The following MYRFL variants were observed in gnomAD, a reference collection of about 807,000 sequenced individuals.
The protein encoded by MYRFL is myelin regulatory factor like.
MYRFL carries 88 observed loss-of-function variants against 109.4 expected under a neutral mutation model. The ratio of observed to expected loss-of-function variants is 0.80; its 90% confidence interval spans 0.68 to 0.96. The LOEUF (loss-of-function observed/expected upper bound fraction) is 0.96, where lower values mean the gene tolerates loss of function less well. Among genes scored for constraint, MYRFL ranks in the 40% least tolerant of loss-of-function variants. MYRFL has a pLI of 0.00. For synonymous variants in MYRFL, 324 were observed against 320.9 expected, an observed-to-expected ratio of 1.01 and a Z score of -0.10; for missense variants, 957 against 954.9, an observed-to-expected ratio of 1.00 and a Z score of -0.03.
intron 10 of MYRFL, among the ~76,000 whole-genome samples, chr12:69,900,185 T>C (rs938295594): frequency 2.0e-5 from 3 of 152,202 alleles, no homozygotes; most frequent in Admixed American, 2.0e-4. Context: ...CAAATCACAG[T>C]GCGTGACATG....
chr12:69,858,747 A>C (rs2136323622), intron 2 of MYRFL, among the ~76,000 whole-genome samples: 1 of 151,710 alleles, frequency 6.6e-6, no homozygotes, highest in South Asian at 2.1e-4. Flanking sequence ...CTCCTTAATC[A>C]ATGTGGACGT....
chr12:69,834,812 G>T (rs954437504), intron 1 of MYRFL, among the ~76,000 whole-genome samples: 4 of 152,140 alleles, frequency 2.6e-5, no homozygotes, highest in African/African-American at 9.7e-5. Context: ...AAGCAACAAA[G>T]GACAAAGTAC....
intron 16 of MYRFL, among the ~76,000 whole-genome samples, chr12:69,932,877 GTGTGTT>G (rs1429200818): frequency 3.0e-4 from 45 of 150,802 alleles, no homozygotes; most frequent in Admixed American, 1.7e-3. Flanking sequence ...GTGTGTGTGT[GTGTGTT>G]TGTGTGTGTG....
rs1297615973 is a variant in MYRFL, at chr12:69,910,868, G to C, written c.1540G>C (p.Glu514Gln). The C allele has an allele frequency of 6.5e-7, 1 of 1,535,314 alleles. No homozygotes were observed. The highest frequency in any genetic ancestry group is 2.0e-5 in the Admixed American group (1 of 50,962). Residue 514 changes from glutamate to glutamine, a missense_variant, in exon 13 of 25, where the codon GAG becomes CAG. Transcript: ENST00000552032. ...VQEILPRAVR[E>Q]VGDVTCGNGE... ...AGAAATCCTGCCCAGAGCAGTAAGA[G>C]AGGTTGGTGATGTCACCTGCGGAAA...
At chr12:69,910,234 A>C (rs1380709240) in intron 12 of MYRFL, among the ~76,000 whole-genome samples, 157 bp downstream of exon 12, 1 of 152,206 alleles carries the variant, frequency 6.6e-6, no homozygotes, top group Non-Finnish European at 1.5e-5. Context: ...GGAAAGGTTA[A>C]AAAATTTCTG....
At chr12:69,835,410 C>G (rs940260384) in intron 1 of MYRFL, among the ~76,000 whole-genome samples, 27 of 152,208 alleles carry the variant, frequency 1.8e-4, no homozygotes. Flanking sequence ...GGATATATTA[C>G]TATTTAACAT....
intron 6 of MYRFL, among the ~76,000 whole-genome samples, chr12:69,889,527 G>A (rs1025050771): frequency 2.0e-5 from 3 of 152,080 alleles, no homozygotes; most frequent in Non-Finnish European, 4.4e-5. Flanking sequence ...ATGCTCCAGT[G>A]AGCATTTCTT....
At chr12:69,892,536 A>G (rs1886978070) in intron 7 of MYRFL, among the ~76,000 whole-genome samples, 1 of 152,184 alleles carries the variant, frequency 6.6e-6, no homozygotes, top group African/African-American at 2.4e-5. Flanking sequence ...TCTGCCTCCC[A>G]AAGTGTTGGA....
chr12:69,830,086 C>A (rs1185334664), intron 1 of MYRFL, among the ~76,000 whole-genome samples: 1 of 152,090 alleles, frequency 6.6e-6, no homozygotes, highest in Non-Finnish European at 1.5e-5. Flanking sequence ...TGATCTAACA[C>A]CACCTTACAC....
At chr12:69,861,180 C>T (rs1042143872) in intron 2 of MYRFL, among the ~76,000 whole-genome samples, 1 of 151,502 alleles carries the variant, frequency 6.6e-6, no homozygotes, top group African/African-American at 2.4e-5. Flanking sequence ...CAAGTCTTTG[C>T]TATTGCGAAT....
chr12:69,862,759 T>C (rs1884768185), intron 2 of MYRFL, among the ~76,000 whole-genome samples: 1 of 152,228 alleles, frequency 6.6e-6, no homozygotes, highest in Non-Finnish European at 1.5e-5. Context: ...CCTGCCTGAT[T>C]GCCCTGGCCA....
rs780487041 is a variant in MYRFL at position 69,936,456 on chromosome 12, C to A, written c.2048C>A (p.Pro683His). Residue 683 changes from proline (P) to histidine (H), a missense_variant, in exon 19 of 25, where the codon CCT becomes CAT. Coordinates refer to ENST00000552032, the MANE Select transcript of MYRFL (RefSeq NM_182530.3). ...CCCCCTGCCCAATGCCTTGCAGCACCTAATACATCCCTGGTAACCACACCG... is the reference window on the plus strand; with the variant it reads ...CCCCCTGCCCAATGCCTTGCAGCACATAATACATCCCTGGTAACCACACCG... ...ALLPTASSSA[P>H]NTSLVTTPAS... The A allele has an allele frequency of 9.8e-6, 15 of 1,535,122 alleles. No homozygotes were observed. The Admixed American group carries it at 2.4e-4, about 24-fold the overall frequency.
intron 1 of MYRFL, among the ~76,000 whole-genome samples, chr12:69,840,154 T>C (rs1240259): frequency 0.25 from 38,441 of 152,074 alleles, 5,528 homozygotes; most frequent in Middle Eastern, 0.39. Flanking sequence ...ATGAATGCAA[T>C]CAGTCACGAT....
intron 13 of MYRFL, among the ~76,000 whole-genome samples, chr12:69,912,557 T>C (rs1954603571): frequency 6.6e-6 from 1 of 152,198 alleles, no homozygotes; most frequent in Non-Finnish European, 1.5e-5. Flanking sequence ...TCATAGAGCA[T>C]TTCTTTCTTT....
rs1298392199 is a variant in MYRFL at position 69,897,247 on chromosome 12, G to A, written c.1182+1G>A. On this transcript the variant is annotated splice_donor_variant, in intron 10 of 24. Transcript: ENST00000552032. LOFTEE classifies it high-confidence loss of function. ...CATCTCTGAAAGGATCATTGTAAGGGTAAGCTCAGTTCTCTGACTTTTCTG... is the reference window on the plus strand; with the variant it reads ...CATCTCTGAAAGGATCATTGTAAGGATAAGCTCAGTTCTCTGACTTTTCTG... The A allele has an allele frequency of 2.0e-6, 3 of 1,534,798 alleles. No individual in the cohort carries two copies. The highest frequency in any genetic ancestry group is 2.6e-6 in the Non-Finnish European group (3 of 1,145,890).
chr12:69,924,180 C>T (rs1236334649), intron 13 of MYRFL, among the ~76,000 whole-genome samples: 1 of 128,910 alleles, frequency 7.8e-6, no homozygotes, highest in Non-Finnish European at 1.6e-5. Context: ...CACAGCAGGA[C>T]TCCGTCTCAG....
At chr12:69,916,108 T>A (rs894535937) in intron 13 of MYRFL, among the ~76,000 whole-genome samples, 22 of 152,096 alleles carry the variant, frequency 1.4e-4, no homozygotes, top group Admixed American at 4.6e-4. Context: ...CTATTTTTTT[T>A]AATCATAATG....
chr12:69,857,758 A>G (rs1002032973), intron 2 of MYRFL, among the ~76,000 whole-genome samples: 3 of 151,718 alleles, frequency 2.0e-5, no homozygotes, highest in Admixed American at 6.6e-5. Flanking sequence ...TAACTTTTTA[A>G]AATATATATT....
intron 1 of MYRFL, among the ~76,000 whole-genome samples, chr12:69,838,589 TTTTA>T (rs1883079794): frequency 6.6e-6 from 1 of 152,234 alleles, no homozygotes; most frequent in African/African-American, 2.4e-5. Context: ...GTCAATTGTG[TTTTA>T]TTTCTTTTTG....
Sources: allele counts gnomAD v4.1 joint callset (sites outside exome capture counted in the v4.1 genomes callset), GRCh38; gene constraint gnomAD v4.1.1; transcripts MANE v1.5; gene names NCBI Gene and HGNC (gene_info 2026-07-23, HGNC 2026-07-21).